ZFPM2: variants seen among roughly 807,000 people sequenced by gnomAD.
The protein encoded by ZFPM2 is zinc finger protein, FOG family member 2.
In ZFPM2, 20 loss-of-function variants were observed where a neutral mutation model predicts 98.6. The observed-to-expected ratio is 0.20, with a 90% CI of 0.14 to 0.29. The LOEUF is 0.29. ZFPM2 is among the 10% of genes least tolerant of loss of function. The pLI is 1.00. For missense variants in ZFPM2, 1,310 were observed against 1,388.6 expected (o/e 0.94, Z 0.90); for synonymous variants, 518 against 502.7 (o/e 1.03, Z -0.41).
At chr8:105,608,580 G>GTTTTTT (rs397978197) in intron 4 of ZFPM2, among the ~76,000 whole-genome samples, 5 of 108,740 alleles carry the variant, frequency 4.6e-5, no homozygotes, top group Admixed American at 1.0e-4. Flanking sequence ...AACACCAAGA[G>GTTTTTT]TTTTTTTTTT....
intron 1 of ZFPM2, among the ~76,000 whole-genome samples, chr8:105,373,179 C>A (rs951687663): frequency 1.3e-5 from 2 of 152,150 alleles, no homozygotes; most frequent in African/African-American, 2.4e-5. Context: ...TTTTTCTTAT[C>A]AGCATTAGAT....
chr8:105,645,239 C>T lies in ZFPM2; in HGVS notation c.532+10882C>T, dbSNP rs1458523749. ...CTTCTTGACTTTCTTTGACTTTCTA[C>T]AGTATCCTAAAACTTTATTATTTAA... On this transcript the variant is annotated intron_variant, in intron 5 of 7. Transcript: ENST00000407775. 5.3e-5 allele frequency among the ~76,000 whole-genome samples: 8 copies of T among 152,268 alleles called. No individual in the cohort carries two copies. In the South Asian group the frequency reaches 1.7e-3, roughly 32 times the overall value.
intron 1 of ZFPM2, among the ~76,000 whole-genome samples, chr8:105,342,639 T>C (rs1367650845): frequency 6.6e-6 from 1 of 151,684 alleles, no homozygotes; most frequent in Non-Finnish European, 1.5e-5. Flanking sequence ...GTTCTTAACT[T>C]ATATTTACTT....
chr8:105,498,327 A>C (rs1813517768), intron 3 of ZFPM2, among the ~76,000 whole-genome samples: 1 of 152,234 alleles, frequency 6.6e-6, no homozygotes, highest in South Asian at 2.1e-4. Context: ...GGTTATATTT[A>C]AGAAGAATTT....
intron 1 of ZFPM2, among the ~76,000 whole-genome samples, chr8:105,320,545 A>G (rs1445986443): frequency 6.6e-6 from 1 of 152,210 alleles, no homozygotes; most frequent in South Asian, 2.1e-4. Flanking sequence ...TAAATGTTGC[A>G]TCTTAGAATA....
intron 5 of ZFPM2, among the ~76,000 whole-genome samples, chr8:105,697,977 C>T (rs367949329): frequency 1.3e-5 from 2 of 152,152 alleles, no homozygotes; most frequent in East Asian, 3.9e-4. Context: ...GTTAGCTGGT[C>T]CTTAAATTCA....
At chr8:105,479,776 A>G (rs1465826108) in intron 3 of ZFPM2, among the ~76,000 whole-genome samples, 1 of 152,220 alleles carries the variant, frequency 6.6e-6, no homozygotes, top group East Asian at 1.9e-4. Flanking sequence ...GGTTTTCTAT[A>G]ACCTGGGATA....
At chr8:105,342,457 A>G (rs1586303551) in intron 1 of ZFPM2, among the ~76,000 whole-genome samples, 1 of 152,042 alleles carries the variant, frequency 6.6e-6, no homozygotes, top group African/African-American at 2.4e-5. Flanking sequence ...AAATAAAAAG[A>G]CTCAGAGCAG....
At chr8:105,358,790 A>G (rs1310358930) in intron 1 of ZFPM2, among the ~76,000 whole-genome samples, 2 of 152,070 alleles carry the variant, frequency 1.3e-5, no homozygotes, top group Admixed American at 1.3e-4. Context: ...CCCCATCTCT[A>G]CTAAAAATAC....
chr8:105,674,095 T>TAGC (rs1316996465), intron 5 of ZFPM2, among the ~76,000 whole-genome samples: 7 of 152,234 alleles, frequency 4.6e-5, no homozygotes, highest in African/African-American at 1.7e-4. Context: ...AAAAATTATG[T>TAGC]AGCAGATTAT....
intron 4 of ZFPM2, among the ~76,000 whole-genome samples, chr8:105,600,438 T>A (rs966887470): frequency 6.6e-6 from 1 of 152,256 alleles, no homozygotes; most frequent in African/African-American, 2.4e-5. Context: ...ATTGAAGTCC[T>A]ACTAAGAAAA....
intron 3 of ZFPM2, among the ~76,000 whole-genome samples, chr8:105,523,619 T>G (rs1814108690): frequency 6.6e-6 from 1 of 152,214 alleles, no homozygotes; most frequent in African/African-American, 2.4e-5. Flanking sequence ...TTCTCTGCTC[T>G]ATTGCATCTG....
At chr8:105,463,649 G>A (rs1812743561) in intron 3 of ZFPM2, among the ~76,000 whole-genome samples, 1 of 152,092 alleles carries the variant, frequency 6.6e-6, no homozygotes, top group African/African-American at 2.4e-5. Flanking sequence ...GGTTCTTCAT[G>A]TGTGGGTGAA....
At chr8:105,399,835 G>A (rs1476266846) in intron 1 of ZFPM2, among the ~76,000 whole-genome samples, 2 of 151,952 alleles carry the variant, frequency 1.3e-5, no homozygotes, top group African/African-American at 2.4e-5. Flanking sequence ...GCGCGATCTC[G>A]GCTCACCGCA....
chr8:105,769,877 G>A (rs1302290713), intron 5 of ZFPM2, among the ~76,000 whole-genome samples: 2 of 151,542 alleles, frequency 1.3e-5, no homozygotes, highest in Admixed American at 6.6e-5. Context: ...CTTTATGTAC[G>A]AAGGGAAAAA....
At chr8:105,469,930 T>A (rs2130342444) in intron 3 of ZFPM2, among the ~76,000 whole-genome samples, 1 of 152,314 alleles carries the variant, frequency 6.6e-6, no homozygotes, top group South Asian at 2.1e-4. Context: ...GCTCAAAAAC[T>A]TTTAGCTAAC....
At chr8:105,594,304 C>T (rs978237214) in intron 4 of ZFPM2, among the ~76,000 whole-genome samples, 2 of 152,050 alleles carry the variant, frequency 1.3e-5, no homozygotes, top group Non-Finnish European at 2.9e-5. Context: ...TAGAAGATTC[C>T]TTATGCCAAG....
chr8:105,483,724 G>C (rs969823686), intron 3 of ZFPM2, among the ~76,000 whole-genome samples: 3 of 151,166 alleles, frequency 2.0e-5, no homozygotes, highest in Non-Finnish European at 2.9e-5. Flanking sequence ...TCAGTCATCT[G>C]TCTTTTCTCT....
At chr8:105,608,016 G>A (rs115217830) in intron 4 of ZFPM2, among the ~76,000 whole-genome samples, 4,521 of 152,130 alleles carry the variant, frequency 0.03, 219 homozygotes, top group African/African-American at 0.1. Flanking sequence ...AAAAAAGAAC[G>A]AGATCATGTC....
Sources: gnomAD v4.1 joint callset for allele counts (sites outside exome capture counted in the v4.1 genomes callset) on GRCh38, gnomAD v4.1.1 for gene constraint, MANE v1.5 for transcripts, NCBI Gene and HGNC (gene_info 2026-07-23, HGNC 2026-07-21) for gene names.